PRICKLE2: variants seen among roughly 807,000 people sequenced by gnomAD.
PRICKLE2 encodes prickle-like protein 2.
In PRICKLE2, 21 loss-of-function variants were observed where a neutral mutation model predicts 81.4. The observed-to-expected ratio is 0.26, with a 90% CI of 0.18 to 0.37. The LOEUF is 0.37. Among genes scored for constraint, PRICKLE2 ranks in the 10% least tolerant of loss-of-function variants. PRICKLE2 has a pLI of 1.00. For missense variants in PRICKLE2, 940 were observed against 1,109.0 expected (o/e 0.85, Z 2.16); for synonymous variants, 456 against 421.5 (o/e 1.08, Z -1.00).
intron 2 of PRICKLE2, among the ~76,000 whole-genome samples, chr3:64,239,746 A>G (rs1344546865): frequency 6.6e-6 from 1 of 152,124 alleles, no homozygotes; most frequent in African/African-American, 2.4e-5. Context: ...AGAAATCAAA[A>G]TAATTATTAA....
At chr3:64,242,630 C>A (rs886255723) in intron 2 of PRICKLE2, among the ~76,000 whole-genome samples, 1 of 152,256 alleles carries the variant, frequency 6.6e-6, no homozygotes, top group South Asian at 2.1e-4. Flanking sequence ...TGGCCAGGGG[C>A]CAAGATTCCC....
At chr3:64,123,127 C>T (rs1299495751) in intron 7 of PRICKLE2, among the ~76,000 whole-genome samples, 1 of 152,142 alleles carries the variant, frequency 6.6e-6, no homozygotes, top group East Asian at 1.9e-4. Flanking sequence ...TTAGAAGGAC[C>T]ATTTGCTATT....
At chr3:64,252,558 T>C (rs1392807366) in intron 2 of PRICKLE2, among the ~76,000 whole-genome samples, 1 of 152,208 alleles carries the variant, frequency 6.6e-6, no homozygotes, top group Non-Finnish European at 1.5e-5. Context: ...TTATTTATGG[T>C]CAATAGCACT....
At chr3:64,197,679 C>T (rs1300063925) in intron 2 of PRICKLE2, among the ~76,000 whole-genome samples, 1 of 152,016 alleles carries the variant, frequency 6.6e-6, no homozygotes, top group Non-Finnish European at 1.5e-5. Flanking sequence ...TGGGGAACAA[C>T]ACACACTGGG....
intron 2 of PRICKLE2, among the ~76,000 whole-genome samples, chr3:64,255,323 T>A: frequency 6.6e-6 from 1 of 152,126 alleles, no homozygotes; most frequent in East Asian, 1.9e-4. Context: ...TGTTTAGGAG[T>A]GATCAGGAGG....
intron 7 of PRICKLE2, among the ~76,000 whole-genome samples, chr3:64,114,292 A>T (rs761917977): frequency 5.9e-5 from 9 of 152,336 alleles, no homozygotes; most frequent in Non-Finnish European, 1.2e-4. Flanking sequence ...AGAATGCTGA[A>T]AATACGAAAA....
intron 7 of PRICKLE2, among the ~76,000 whole-genome samples, chr3:64,110,171 G>A (rs2076820246): frequency 6.6e-6 from 1 of 152,210 alleles, no homozygotes; most frequent in African/African-American, 2.4e-5. Context: ...ATTCAGACCA[G>A]TTGAAGATTT....
chr3:64,260,299 C>CTT (rs1006945793), intron 2 of PRICKLE2, among the ~76,000 whole-genome samples: 1 of 152,296 alleles, frequency 6.6e-6, no homozygotes, highest in South Asian at 2.1e-4. Flanking sequence ...AGAGTTATCA[C>CTT]TTTGCCAAGC....
At chr3:64,176,613 A>T (rs113863360) in intron 2 of PRICKLE2, among the ~76,000 whole-genome samples, 1 of 152,250 alleles carries the variant, frequency 6.6e-6, no homozygotes, top group Non-Finnish European at 1.5e-5. Context: ...CTTACTGATC[A>T]CAGGACATTG....
chr3:64,214,792 C>T (rs1412938961), intron 1 of PRICKLE2, among the ~76,000 whole-genome samples: 1 of 152,112 alleles, frequency 6.6e-6, no homozygotes, highest in Non-Finnish European at 1.5e-5. Flanking sequence ...TCCCAGCCCC[C>T]GCACTGCGTC....
At chr3:64,127,216 T>C (rs1400879432) in intron 7 of PRICKLE2, among the ~76,000 whole-genome samples, 2 of 152,064 alleles carry the variant, frequency 1.3e-5, no homozygotes, top group Non-Finnish European at 2.9e-5. Flanking sequence ...ATCCAGGCAA[T>C]ACAAGCTCAG....
intron 2 of PRICKLE2, among the ~76,000 whole-genome samples, chr3:64,194,657 G>C (rs2078414695): frequency 6.6e-6 from 1 of 152,138 alleles, no homozygotes. Flanking sequence ...TATTTTCTAA[G>C]TTCCTATTTT....
chr3:64,118,133 G>A (rs944875691), intron 7 of PRICKLE2, among the ~76,000 whole-genome samples: 1 of 152,160 alleles, frequency 6.6e-6, no homozygotes, highest in African/African-American at 2.4e-5. Context: ...ATGGTGCTGG[G>A]ATAACTGGCT....
At chr3:64,111,391 A>G (rs2076844477) in intron 7 of PRICKLE2, among the ~76,000 whole-genome samples, 1 of 152,212 alleles carries the variant, frequency 6.6e-6, no homozygotes, top group Non-Finnish European at 1.5e-5. Context: ...GCCCAAGGTC[A>G]TACAGAAGCT....
At chr3:64,235,833 G>C (rs1451655564) in intron 2 of PRICKLE2, among the ~76,000 whole-genome samples, 2 of 152,182 alleles carry the variant, frequency 1.3e-5, no homozygotes, top group African/African-American at 2.4e-5. Context: ...CAGTGTGAAA[G>C]CATAGCCCGA....
intron 7 of PRICKLE2, among the ~76,000 whole-genome samples, chr3:64,131,713 T>C (rs538491303): frequency 6.6e-6 from 1 of 152,316 alleles, no homozygotes; most frequent in African/African-American, 2.4e-5. Context: ...TAGTAAGAGT[T>C]CACAGATATT....
intron 2 of PRICKLE2, among the ~76,000 whole-genome samples, chr3:64,251,423 T>G (rs188648006): frequency 6.6e-6 from 1 of 152,268 alleles, no homozygotes; most frequent in East Asian, 1.9e-4. Context: ...TCCTTACTGG[T>G]TCTTTGTCAG....
chr3:64,265,417 A>G (rs1490123758), intron 2 of PRICKLE2, among the ~76,000 whole-genome samples: 2 of 152,156 alleles, frequency 1.3e-5, no homozygotes, highest in Admixed American at 1.3e-4. Context: ...TATCGCACAG[A>G]GTTTATATTC....
At position 64,094,505 on chromosome 3, in the gene PRICKLE2, A is replaced by G. The variant is rs983188038; in HGVS notation, c.*4546T>C. The G allele has an allele frequency of 6.6e-6, 1 of 152,210 alleles. No homozygotes were observed. Among genetic ancestry groups the G allele is most frequent in the African/African-American group, 2.4e-5 (1 of 41,466 alleles). 9.4% of individuals were successfully genotyped at this position (152,210 alleles called of 1,614,324 possible). A position where few individuals can be genotyped will look rare whatever the true frequency, so the allele number is the denominator to read the frequency against. ...AGGAATGTTTTCCTAACACTATGTG[A>G]CTTTCCCCTCCTTTATATTTCCTTG... On this transcript the variant is annotated 3_prime_UTR_variant, in exon 8 of 8. Coordinates refer to ENST00000638394, the MANE Select transcript of PRICKLE2 (RefSeq NM_198859.4).
Sources: gnomAD v4.1 joint callset for allele counts (sites outside exome capture counted in the v4.1 genomes callset) on GRCh38, gnomAD v4.1.1 for gene constraint, MANE v1.5 for transcripts, NCBI Gene and HGNC (gene_info 2026-07-23, HGNC 2026-07-21) for gene names.